CMSS1: variants seen among roughly 807,000 people sequenced by gnomAD.
CMSS1 encodes protein CMSS1.
CMSS1 carries 33 observed loss-of-function variants against 43.5 expected under a neutral mutation model. The observed-to-expected ratio is 0.76, with a 90% CI of 0.57 to 1.01. The LOEUF is 1.01. Ranked by LOEUF, CMSS1 falls within the 50% of genes least tolerant of loss-of-function variation. The probability of loss-of-function intolerance (pLI) is 0.00; values close to 1 mark genes in which losing one functional copy is unlikely to be tolerated. For missense variants in CMSS1, 313 were observed against 326.4 expected (o/e 0.96, Z 0.32); for synonymous variants, 115 against 117.2 (o/e 0.98, Z 0.12).
intron 1 of CMSS1, among the ~76,000 whole-genome samples, chr3:99,845,087 A>G (rs1279018735): frequency 6.6e-6 from 1 of 152,184 alleles, no homozygotes; most frequent in Non-Finnish European, 1.5e-5. Flanking sequence ...ATAGTTGTGG[A>G]GACCTTACAA....
intron 1 of CMSS1, among the ~76,000 whole-genome samples, chr3:100,026,881 C>T (rs547281275): frequency 2.6e-5 from 4 of 152,204 alleles, no homozygotes; most frequent in African/African-American, 4.8e-5. Flanking sequence ...CCAAAGTCTC[C>T]GCATCTTACT....
At chr3:99,872,310 T>C (rs898730401) in intron 1 of CMSS1, among the ~76,000 whole-genome samples, 1 of 149,952 alleles carries the variant, frequency 6.7e-6, no homozygotes, top group Non-Finnish European at 1.5e-5. Flanking sequence ...TGTGTGTGTG[T>C]GTGTGTGTGT....
intron 1 of CMSS1, among the ~76,000 whole-genome samples, chr3:99,971,367 G>A (rs1708817241): frequency 6.6e-6 from 1 of 151,776 alleles, no homozygotes; most frequent in African/African-American, 2.4e-5. Context: ...TGGGATGCTG[G>A]AACCCATAAG....
At chr3:99,870,951 CT>C (rs1333224409) in intron 1 of CMSS1, among the ~76,000 whole-genome samples, 1 of 152,156 alleles carries the variant, frequency 6.6e-6, no homozygotes, top group African/African-American at 2.4e-5. Context: ...CCATATTTTG[CT>C]TGAAGGCCAT....
At chr3:100,079,232 C>T (rs2065896647) in intron 1 of CMSS1, among the ~76,000 whole-genome samples, 1 of 152,198 alleles carries the variant, frequency 6.6e-6, no homozygotes, top group South Asian at 2.1e-4. Flanking sequence ...GGCTTGTTTA[C>T]ACCCCAAAGT....
At chr3:100,136,180 A>G (rs1281537529) in intron 1 of CMSS1, among the ~76,000 whole-genome samples, 1 of 152,212 alleles carries the variant, frequency 6.6e-6, no homozygotes, top group Non-Finnish European at 1.5e-5. Flanking sequence ...TTTTGGAGAG[A>G]AGAAGAGATC....
intron 1 of CMSS1, among the ~76,000 whole-genome samples, chr3:99,823,264 A>G (rs1362516912): frequency 6.6e-6 from 1 of 152,204 alleles, no homozygotes; most frequent in Non-Finnish European, 1.5e-5. Context: ...CAGTAACTCA[A>G]ACCTGATCCT....
At chr3:100,166,127 AATT>A (rs1268237234) in intron 4 of CMSS1, among the ~76,000 whole-genome samples, 1 of 152,186 alleles carries the variant, frequency 6.6e-6, no homozygotes, top group Non-Finnish European at 1.5e-5. Context: ...TGCTCTAAGA[AATT>A]ATGGGCAGCT....
chr3:100,072,489 C>T (rs539036537), intron 1 of CMSS1, among the ~76,000 whole-genome samples: 10 of 152,312 alleles, frequency 6.6e-5, no homozygotes, highest in African/African-American at 2.4e-4. Flanking sequence ...TGACTGATTT[C>T]ATCAACTGAG....
At chr3:100,086,970 G>A (rs1311207465) in intron 1 of CMSS1, among the ~76,000 whole-genome samples, 1 of 152,044 alleles carries the variant, frequency 6.6e-6, no homozygotes, top group Non-Finnish European at 1.5e-5. Flanking sequence ...TTTTGAATCT[G>A]GTTTCTTTTA....
At chr3:100,123,593 A>G (rs2066638888) in intron 1 of CMSS1, among the ~76,000 whole-genome samples, 1 of 152,222 alleles carries the variant, frequency 6.6e-6, no homozygotes, top group Non-Finnish European at 1.5e-5. Context: ...CTGCCTGAAC[A>G]GGGTACTCCC....
chr3:99,994,723 G>A (rs957689375), intron 1 of CMSS1, among the ~76,000 whole-genome samples: 3 of 152,146 alleles, frequency 2.0e-5, no homozygotes, highest in Non-Finnish European at 4.4e-5. Context: ...GGCTGGGGAG[G>A]CCTCAGAATC....
chr3:100,013,049 GT>G (rs1318445452), intron 1 of CMSS1, among the ~76,000 whole-genome samples: 1 of 151,426 alleles, frequency 6.6e-6, no homozygotes, highest in Non-Finnish European at 1.5e-5. Flanking sequence ...TTGTTTGTTT[GT>G]TTTGTTTGGA....
chr3:99,984,522 G>A (rs551384265), intron 1 of CMSS1, among the ~76,000 whole-genome samples: 1 of 152,130 alleles, frequency 6.6e-6, no homozygotes, highest in Non-Finnish European at 1.5e-5. Flanking sequence ...TGTGGTCAGT[G>A]GTCCTCTAGC....
intron 1 of CMSS1, chr3:99,847,780 A>G (rs913627167): frequency 1.6e-5 from 3 of 185,030 alleles, no homozygotes; most frequent in African/African-American, 4.8e-5. Context: ...CTCCTCTAAT[A>G]TGTGATTAGA....
intron 1 of CMSS1, among the ~76,000 whole-genome samples, chr3:99,945,284 C>T (rs1360797664): frequency 6.6e-6 from 1 of 152,196 alleles, no homozygotes; most frequent in Non-Finnish European, 1.5e-5. Context: ...AGTGCTTTCC[C>T]CATACTCCCT....
intron 1 of CMSS1, among the ~76,000 whole-genome samples, chr3:99,919,921 T>C (rs1036599090): frequency 2.0e-5 from 3 of 152,340 alleles, no homozygotes; most frequent in Middle Eastern, 3.4e-3. Context: ...TCTGCACCAC[T>C]GTTCTATCTA....
intron 1 of CMSS1, among the ~76,000 whole-genome samples, chr3:99,852,430 G>C (rs912493529): frequency 6.6e-6 from 1 of 151,840 alleles, no homozygotes; most frequent in African/African-American, 2.4e-5. Context: ...GGATTTGAGA[G>C]AACTTTTTAT....
intron 1 of CMSS1, among the ~76,000 whole-genome samples, chr3:99,862,226 CAAAT>C (rs1479698889): frequency 6.6e-6 from 1 of 151,930 alleles, no homozygotes; most frequent in African/African-American, 2.4e-5. Context: ...AAAATCAAAT[CAAAT>C]AAAAATAAGT....
Sources: gnomAD v4.1 joint callset for allele counts (sites outside exome capture counted in the v4.1 genomes callset) on GRCh38, gnomAD v4.1.1 for gene constraint, MANE v1.5 for transcripts, NCBI Gene and HGNC (gene_info 2026-07-23, HGNC 2026-07-21) for gene names.